RAF1: variants seen among roughly 807,000 people sequenced by gnomAD.
The protein encoded by RAF1 is Raf-1 proto-oncogene, serine/threonine kinase, also known as RAF proto-oncogene serine/threonine-protein kinase.
RAF1 carries 27 observed loss-of-function variants against 81.1 expected under a neutral mutation model. The observed-to-expected ratio is 0.33, with a 90% CI of 0.25 to 0.46. The LOEUF is 0.46. Among genes scored for constraint, RAF1 ranks in the 20% least tolerant of loss-of-function variants. RAF1 has a pLI of 1.00. For synonymous variants in RAF1, 298 were observed against 294.0 expected (o/e 1.01, Z -0.14); for missense variants, 598 against 826.0 (o/e 0.72, Z 3.38).
At chr3:12,641,627 G>A (rs530165986) in intron 1 of RAF1, among the ~76,000 whole-genome samples, 1 of 151,610 alleles carries the variant, frequency 6.6e-6, no homozygotes, top group African/African-American at 2.4e-5. Context: ...AAGCAGTTGG[G>A]ACCACAGGCA....
At chr3:12,638,733 G>A (rs1286528026) in intron 1 of RAF1, among the ~76,000 whole-genome samples, 1 of 152,078 alleles carries the variant, frequency 6.6e-6, no homozygotes, top group African/African-American at 2.4e-5. Context: ...AAACTACAGG[G>A]CTCCTGCTCA....
In RAF1 at chr3:12,657,877, C is replaced by T. The variant is rs1266929281; in HGVS notation, c.-27+5936G>A. On this transcript the variant is annotated intron_variant, in intron 1 of 17. Coordinates refer to ENST00000442415, the MANE Select transcript of RAF1 (RefSeq NM_001354689.3). ...CACCCAAAAAAAAAACAAAACAAAA[C>T]AAAACAAAACAAAAAAAAACCCTAT... Among the ~76,000 whole-genome samples the T allele has an allele frequency of 5.8e-5, 7 of 121,380 alleles. No individual in the cohort carries two copies. In the Admixed American group the frequency reaches 6.0e-4, roughly 10 times the overall value. The allele number at this position is 121,380 out of a possible 152,430, so 79.6% of individuals were successfully genotyped here.
intron 2 of RAF1, among the ~76,000 whole-genome samples, chr3:12,612,876 A>G (rs557938911): frequency 6.6e-6 from 1 of 152,352 alleles, no homozygotes; most frequent in South Asian, 2.1e-4. Flanking sequence ...AATCTGATCT[A>G]TAAACAAACG....
At position 12,590,984 on chromosome 3, in the gene RAF1, G is replaced by A. The variant is rs2058496991; in HGVS notation, c.1254-10C>T. 6.2e-7 allele frequency: 1 copy of A among 1,603,494 alleles called. No individual in the cohort carries two copies. The highest frequency in any genetic ancestry group is 1.3e-5 in the African/African-American group (1 of 74,794). On this transcript the variant is annotated splice_polypyrimidine_tract_variant and intron_variant, in intron 12 of 17. Coordinates refer to ENST00000442415, the MANE Select transcript of RAF1 (RefSeq NM_001354689.3). ...CACATGCCGTGTTTTGCTGGGGAGGGGAGGGGAAGAGAGGAGAGGGAGGAG... is the reference window on the plus strand; with the variant it reads ...CACATGCCGTGTTTTGCTGGGGAGGAGAGGGGAAGAGAGGAGAGGGAGGAG...
chr3:12,590,472 G>T, intron 13 of RAF1: 1 of 310,382 alleles, frequency 3.2e-6, no homozygotes, highest in South Asian at 3.1e-5. Flanking sequence ...TTATAGGCAT[G>T]TGCCACCAGA....
intron 15 of RAF1, 63 bp downstream of exon 14, chr3:12,585,618 A>G (rs746428717): frequency 3.8e-5 from 56 of 1,456,586 alleles, no homozygotes; most frequent in Non-Finnish European, 4.5e-5. Flanking sequence ...GTTTGCACAT[A>G]AATCTCCAAG....
At position 12,608,801 on chromosome 3, in the gene RAF1, A is replaced by G; in HGVS notation, c.546T>C (p.Thr182=). The G allele has an allele frequency of 6.2e-7, 1 of 1,614,194 alleles. No individual in the cohort carries two copies. Among genetic ancestry groups the G allele is most frequent in the South Asian group, 1.1e-5 (1 of 91,082 alleles). Residue 182 remains threonine, a synonymous_variant, in exon 5 of 18, where the codon ACT becomes ACC. Coordinates refer to ENST00000442415, the MANE Select transcript of RAF1 (RefSeq NM_001354689.3). The stretch of plus-strand genomic sequence containing the variant: ...TGATGTTACTCCAGTCCACACACAT[A>G]GTAGGTACTTTGGTGCTACAGTGCT...
chr3:12,662,521 C>T (rs558898054), intron 1 of RAF1, among the ~76,000 whole-genome samples: 32 of 152,058 alleles, frequency 2.1e-4, no homozygotes, highest in African/African-American at 7.5e-4. Context: ...TACAATAATC[C>T]AAATTCAACT....
intron 1 of RAF1, among the ~76,000 whole-genome samples, chr3:12,629,806 T>C (rs1032270639): frequency 7.2e-5 from 11 of 152,342 alleles, no homozygotes; most frequent in African/African-American, 2.6e-4. Context: ...TTCTAAGGCA[T>C]GACCGGTCTG....
At chr3:12,649,168 G>A (rs1264050151) in intron 1 of RAF1, among the ~76,000 whole-genome samples, 1 of 152,080 alleles carries the variant, frequency 6.6e-6, no homozygotes, top group East Asian at 1.9e-4. Context: ...CTTTAGTGGT[G>A]CGCTCAATAG....
Position 12,599,783 on chromosome 3 carries a change from C to G in RAF1, c.1076G>C (p.Ser359Thr), listed in dbSNP as rs1057518084. ...ACTGGCTTCTATTTCCCAATAATAG[C>G]TTGAATCTCTCTGTCCACGAGGCCT... The change falls in exon 11 of 18, where the codon AGC (serine) becomes ACC (threonine). Residue 359 changes from serine (S) to threonine (T), a missense_variant. By Grantham distance (58) the Ser-to-Thr change is moderately conservative. Coordinates refer to ENST00000442415, the MANE Select transcript of RAF1 (RefSeq NM_001354689.3). The G allele has an allele frequency of 6.2e-7, 1 of 1,614,138 alleles. No individual in the cohort carries two copies. Among genetic ancestry groups the G allele is most frequent in the Non-Finnish European group, 8.5e-7 (1 of 1,179,980 alleles).
chr3:12,591,759 TCGA>T lies in RAF1; in HGVS notation c.1199_1201del (p.Val400del). 3 of 1,614,152 alleles carry T rather than the reference TCGA, an allele frequency of 1.9e-6. No individual in the cohort carries two copies. The highest frequency in any genetic ancestry group is 1.7e-6 in the Non-Finnish European group (2 of 1,180,020). ...GGCCTGGAATTGCTCTGGGGTTGGG[TCGA>T]CAACCTTTAGGATCTTTACTGCAAC... is the stretch of plus-strand genomic sequence containing the variant. On this transcript the variant is annotated inframe_deletion, in exon 12 of 18. Coordinates refer to ENST00000442415, the MANE Select transcript of RAF1 (RefSeq NM_001354689.3).
At chr3:12,608,944 T>G (rs1209984989) in intron 4 of RAF1, 21 bp from the exon 5 acceptor site, 1 of 1,613,824 alleles carries the variant, frequency 6.2e-7, no homozygotes, top group South Asian at 1.1e-5. Flanking sequence ...AACACAGGTG[T>G]AAATTATGCT....
rs2058280248 is a variant in RAF1, at chr3:12,584,987, G to A, written c.1729-6C>T. ...CGGCCCACCATGAAGATGATCTAAG[G>A]GAAAGAAAACAGCTGAGCTAATGGG... is the stretch of plus-strand genomic sequence containing the variant. On this transcript the variant is annotated splice_polypyrimidine_tract_variant and splice_region_variant and intron_variant, in intron 16 of 17. Coordinates refer to ENST00000442415, the MANE Select transcript of RAF1 (RefSeq NM_001354689.3). The A allele has an allele frequency of 6.2e-7, 1 of 1,614,108 alleles. No homozygotes were observed.
chr3:12,600,002 G>T, intron 10 of RAF1, 150 bp downstream of exon 9: 2 of 1,362,118 alleles, frequency 1.5e-6, no homozygotes, highest in South Asian at 1.2e-5. Flanking sequence ...TGATGCAAGT[G>T]TGCCAAAAAT....
chr3:12,590,692 A>G, intron 13 of RAF1, 106 bp downstream of exon 12: 1 of 1,284,680 alleles, frequency 7.8e-7, no homozygotes, highest in Non-Finnish European at 1.1e-6. Flanking sequence ...GTGCAAAGAT[A>G]TCACAGAATC....
At chr3:12,651,529 G>C (rs2060525315) in intron 1 of RAF1, among the ~76,000 whole-genome samples, 1 of 151,994 alleles carries the variant, frequency 6.6e-6, no homozygotes, top group South Asian at 2.1e-4. Context: ...AGCTACTCGG[G>C]AGGCTGAGGC....
intron 1 of RAF1, among the ~76,000 whole-genome samples, chr3:12,660,126 T>C (rs979166010): frequency 6.6e-6 from 1 of 151,592 alleles, no homozygotes; most frequent in African/African-American, 2.4e-5. Flanking sequence ...TGACATGTTA[T>C]AAACTAAAAG....
chr3:12,651,403 G>A (rs897130397), intron 1 of RAF1, among the ~76,000 whole-genome samples: 21 of 152,284 alleles, frequency 1.4e-4, no homozygotes, highest in African/African-American at 4.8e-4. Flanking sequence ...GGAGGCCGAG[G>A]AGGGTGGATC....
Sources: allele counts gnomAD v4.1 joint callset (sites outside exome capture counted in the v4.1 genomes callset), GRCh38; gene constraint gnomAD v4.1.1; transcripts MANE v1.5; gene names NCBI Gene and HGNC (gene_info 2026-07-23, HGNC 2026-07-21).